The following CELF2 variants were observed in gnomAD, a reference collection of about 807,000 sequenced individuals.
CELF2 encodes CUG triplet repeat RNA-binding protein 2.
CELF2 carries 8 observed loss-of-function variants against 62.6 expected under a neutral mutation model. The ratio of observed to expected loss-of-function variants is 0.13; its 90% CI spans 0.07 to 0.23. The LOEUF is 0.23. Among genes scored for constraint, CELF2 ranks in the 10% least tolerant of loss-of-function variants. The pLI is 1.00. For missense variants in CELF2, 333 were observed against 671.0 expected, an observed-to-expected ratio of 0.50 and a Z score of 5.56; for synonymous variants, 258 against 250.0, an observed-to-expected ratio of 1.03 and a Z score of -0.30.
At chr10:10,583,251 C>T in the CELF2 span, among the ~76,000 whole-genome samples, 8 of 152,152 alleles carry the variant, frequency 5.3e-5, no homozygotes, top group South Asian at 1.7e-3. Flanking sequence ...CTCTTCTCCA[C>T]TTTTATAACT....
intron 3 of CELF2, among the ~76,000 whole-genome samples, chr10:11,221,921 G>T (rs1368926490): frequency 2.0e-5 from 3 of 152,238 alleles, no homozygotes; most frequent in African/African-American, 7.2e-5. Context: ...AGCGAGGACT[G>T]CCAGAGATCT....
intron 2 of CELF2, among the ~76,000 whole-genome samples, chr10:11,179,895 G>A (rs191907383): frequency 1.3e-5 from 2 of 152,154 alleles, no homozygotes; most frequent in Non-Finnish European, 1.5e-5. Flanking sequence ...CAAAGCTTAC[G>A]TGGTGTCAGG....
At chr10:10,573,422 T>TA in the CELF2 span, among the ~76,000 whole-genome samples, 2 of 152,086 alleles carry the variant, frequency 1.3e-5, no homozygotes, top group Non-Finnish European at 2.9e-5. Context: ...AATCTTTGCC[T>TA]TTATAGAAGA....
chr10:10,819,080 T>C (rs547683894), intron 1 of CELF2, among the ~76,000 whole-genome samples: 1 of 152,198 alleles, frequency 6.6e-6, no homozygotes, highest in Non-Finnish European at 1.5e-5. Context: ...TGGTTATTAA[T>C]TCTGGGTAAA....
chr10:10,984,186 C>T (rs1156906204), intron 2 of CELF2, among the ~76,000 whole-genome samples: 20 of 152,198 alleles, frequency 1.3e-4, no homozygotes, highest in South Asian at 2.1e-4. Flanking sequence ...CGAAAAGAAA[C>T]TTACTGAAGG....
rs2095416535 is a variant in CELF2 at position 11,321,085 on chromosome 10, T to C, written c.1097-104T>C. The C allele has an allele frequency of 5.3e-6, 7 of 1,323,944 alleles. No homozygotes were observed. The highest frequency in any genetic ancestry group is 3.6e-5 in the South Asian group (3 of 83,094). 82.0% of individuals were successfully genotyped at this position (1,323,944 alleles called of 1,614,324 possible). ...TCAGTGTAATTGTGTGCTAGCTGCA[T>C]GTACTTGCTGTTGTACTGTGTTTAA... On this transcript the variant is annotated intron_variant, in intron 10 of 12. Transcript: ENST00000633077. This position sits in a 1 kb window ranked among gnomAD's most constrained non-coding sequence, Gnocchi z 6.2.
At chr10:10,627,196 G>A in the CELF2 span, among the ~76,000 whole-genome samples, 1 of 152,176 alleles carries the variant, frequency 6.6e-6, no homozygotes, top group Admixed American at 6.5e-5. Context: ...GTTCACAGGA[G>A]TTTATATCTC....
At chr10:11,028,145 C>T (rs1164763574) in intron 1 of CELF2, among the ~76,000 whole-genome samples, 1 of 152,120 alleles carries the variant, frequency 6.6e-6, no homozygotes. Context: ...CTTTTTTCTT[C>T]CCCTCACCTT....
intron 2 of CELF2, among the ~76,000 whole-genome samples, chr10:10,950,267 T>C (rs892348878): frequency 2.6e-5 from 4 of 151,998 alleles, no homozygotes; most frequent in African/African-American, 9.7e-5. Context: ...AAGAACCCAG[T>C]GCAGTGTGTG....
the CELF2 span, among the ~76,000 whole-genome samples, chr10:10,592,990 T>A: frequency 2.0e-5 from 3 of 152,106 alleles, no homozygotes; most frequent in Non-Finnish European, 4.4e-5. Context: ...AGACAAAATA[T>A]AAACCAAGTA....
In CELF2 at chr10:11,224,223, A is replaced by G. The variant is rs1483675806; in HGVS notation, c.354+6716A>G. 6.6e-6 allele frequency among the ~76,000 whole-genome samples: 1 copy of G among 152,180 alleles called. No individual in the cohort carries two copies. The highest frequency in any genetic ancestry group is 2.4e-5 in the African/African-American group (1 of 41,442). On this transcript the variant is annotated intron_variant, in intron 3 of 12. Coordinates refer to ENST00000633077, the MANE Select transcript of CELF2 (RefSeq NM_001326342.2). The surrounding 1 kb of genome is among the most constrained non-coding windows in gnomAD (Gnocchi z 4.5). The stretch of plus-strand genomic sequence containing the variant: ...TTTTGCAAACAACGTAGTCTCAGCT[A>G]TATCCCTAATTAATAGGACTGTTGC...
At chr10:10,814,382 C>T (rs1398078880) in intron 1 of CELF2, among the ~76,000 whole-genome samples, 1 of 152,096 alleles carries the variant, frequency 6.6e-6, no homozygotes. Context: ...CTGTCTTCAT[C>T]GCCACAAAAT....
At chr10:11,005,251 AGAGG>A, upstream of CELF2, 4 of 1,447,136 alleles carry the variant, frequency 2.8e-6, no homozygotes, top group Non-Finnish European at 3.6e-6. The surrounding 1 kb of genome is among the most constrained non-coding windows in gnomAD (Gnocchi z 4.3). Context: ...AGACAGAGAG[AGAGG>A]GAGAGAGAGA....
At position 11,321,927 on chromosome 10, in the gene CELF2, C is replaced by T. The variant is rs1591530614; in HGVS notation, c.1294+541C>T. Among the ~76,000 whole-genome samples, 1 of 152,212 alleles carries T rather than the reference C, an allele frequency of 6.6e-6. No individual in the cohort carries two copies. The highest frequency in any genetic ancestry group is 1.9e-4 in the East Asian group (1 of 5,198). On this transcript the variant is annotated intron_variant, in intron 11 of 12. Transcript: ENST00000633077. This position sits in a 1 kb window ranked among gnomAD's most constrained non-coding sequence, Gnocchi z 6.2. ...AAGTCCAGGAAAGTTGATCACCTTT[C>T]TTGCAATCCCCAAATATCCTCTCAC...
chr10:10,755,518 C>A, the CELF2 span, among the ~76,000 whole-genome samples: 1 of 152,172 alleles, frequency 6.6e-6, no homozygotes, highest in African/African-American at 2.4e-5. Flanking sequence ...TGCTCTCCTG[C>A]GTCTGCTGCT....
At chr10:10,695,889 A>G in the CELF2 span, among the ~76,000 whole-genome samples, 12 of 151,466 alleles carry the variant, frequency 7.9e-5, no homozygotes, top group African/African-American at 2.7e-4. Context: ...TGTATTGGTT[A>G]TTCTAGATAT....
the CELF2 span, among the ~76,000 whole-genome samples, chr10:10,595,385 A>G: frequency 1.3e-5 from 2 of 152,168 alleles, no homozygotes; most frequent in Non-Finnish European, 1.5e-5. Flanking sequence ...CAAAGTACAC[A>G]CAATGTAACC....
chr10:10,561,271 A>C, the CELF2 span, among the ~76,000 whole-genome samples: 1 of 152,086 alleles, frequency 6.6e-6, no homozygotes, highest in African/African-American at 2.4e-5. Flanking sequence ...CTTTCCAGCC[A>C]CACTCTGACC....
chr10:10,664,571 AC>A, the CELF2 span, among the ~76,000 whole-genome samples: 1 of 152,370 alleles, frequency 6.6e-6, no homozygotes, highest in East Asian at 1.9e-4. Flanking sequence ...TTATGCATAT[AC>A]TTTTTTCAAT....
Sources: allele counts gnomAD v4.1 joint callset (sites outside exome capture counted in the v4.1 genomes callset), GRCh38; gene constraint gnomAD v4.1.1; non-coding constraint Gnocchi (gnomAD v3.1); transcripts MANE v1.5; gene names NCBI Gene and HGNC (gene_info 2026-07-23, HGNC 2026-07-21).